The following DDTL variants were observed in gnomAD, a reference collection of about 807,000 sequenced individuals.
DDTL encodes putative D-dopachrome decarboxylase-like protein.
Under a neutral mutation model 1.1 loss-of-function variants are expected in DDTL, and 1 was observed. The observed-to-expected ratio is 0.91, with a 90% CI of 0.32 to 4.31. The LOEUF (loss-of-function observed/expected upper bound fraction) is 4.31. DDTL is among the 30% of genes most tolerant of loss of function. The probability of loss-of-function intolerance (pLI) is 0.17; values close to 1 mark genes in which losing one functional copy is unlikely to be tolerated. For synonymous variants in DDTL, 21 were observed against 16.6 expected (o/e 1.26, Z -0.64); for missense variants, 54 against 48.9 (o/e 1.10, Z -0.31).
intron 2 of DDTL, among the ~76,000 whole-genome samples, chr22:23,970,440 CTGTG>C (rs750119986): frequency 7.3e-5 from 11 of 151,556 alleles, no homozygotes; most frequent in Non-Finnish European, 1.6e-4. Flanking sequence ...AATTGTGTGC[CTGTG>C]TGTGACGGGG....
In DDTL at chr22:23,971,276, C is replaced by T. The variant is rs1392674161; in HGVS notation, c.285-10C>T. ...CCCAGATCTGAGCAGTCTAAATCAT[C>T]CCCCTCCAGGTTCCCTACGGTCTTA... is the stretch of plus-strand genomic sequence containing the variant. On this transcript the variant is annotated splice_polypyrimidine_tract_variant and intron_variant, in intron 2 of 2. Coordinates refer to ENST00000215770, the MANE Select transcript of DDTL (RefSeq NM_001084393.2). The T allele has an allele frequency of 2.5e-6, 4 of 1,608,084 alleles. No individual in the cohort carries two copies. In the Admixed American group the frequency reaches 5.1e-5, roughly 20 times the overall value.
chr22:23,970,457 TA>T (rs1471927585), intron 2 of DDTL, among the ~76,000 whole-genome samples: 1 of 151,192 alleles, frequency 6.6e-6, no homozygotes, highest in Non-Finnish European at 1.5e-5. Context: ...TGACGGGGAG[TA>T]TGTGTGTGTG....
At position 23,972,066 on chromosome 22, in the gene DDTL, A is replaced by G; in HGVS notation, c.*660A>G. ...AGTGAACATGCCCCTCTCAGAGGTA[A>G]CAGCAAGTTTCCAGTGAGGAAAACC... On this transcript the variant is annotated 3_prime_UTR_variant, in exon 3 of 3. Coordinates refer to ENST00000215770, the MANE Select transcript of DDTL (RefSeq NM_001084393.2). The G allele has an allele frequency of 1.6e-6, 1 of 621,590 alleles. No individual in the cohort carries two copies. The highest frequency in any genetic ancestry group is 8.0e-4 in the Middle Eastern group (1 of 1,248). 38.5% of individuals were successfully genotyped at this position (621,590 alleles called of 1,614,324 possible).
chr22:23,969,443 A>T, intron 2 of DDTL: 3 of 986,522 alleles, frequency 3.0e-6, no homozygotes, highest in Non-Finnish European at 3.6e-6. Context: ...TGTGCAGCAC[A>T]CACGATGAGG....
At chr22:23,969,702 C>G in intron 2 of DDTL, 4 of 977,714 alleles carry the variant, frequency 4.1e-6, no homozygotes, top group Non-Finnish European at 4.9e-6. Flanking sequence ...GCCTGTGATC[C>G]AAACTACATG....
At chr22:23,969,879 T>C in intron 2 of DDTL, 1 of 985,602 alleles carries the variant, frequency 1.0e-6, no homozygotes, top group African/African-American at 1.7e-5. Context: ...AAGAATAAAG[T>C]TAAACAGTCA....
At chr22:23,969,456 A>G in intron 2 of DDTL, 5 of 986,244 alleles carry the variant, frequency 5.1e-6, no homozygotes, top group Non-Finnish European at 6.0e-6. Flanking sequence ...CGATGAGGCT[A>G]CTGTGTTGAG....
intron 2 of DDTL, chr22:23,969,515 T>C: frequency 1.0e-6 from 1 of 985,914 alleles, no homozygotes; most frequent in Non-Finnish European, 1.2e-6. Context: ...ATTCCACACC[T>C]GAGTGTCCCA....
In DDTL at chr22:23,969,690, G is replaced by A. The variant is rs149034214; in HGVS notation, c.285-1596G>A. The A allele has an allele frequency of 9.9e-5, 97 of 978,666 alleles. No individual in the cohort carries two copies. The African/African-American group carries it at 1.5e-3, about 15-fold the overall frequency. 60.6% of individuals were successfully genotyped at this position (978,666 alleles called of 1,614,324 possible). On this transcript the variant is annotated intron_variant, in intron 2 of 2. Coordinates refer to ENST00000215770, the MANE Select transcript of DDTL (RefSeq NM_001084393.2). ...TACAATTAGCCCAGCATGGTGGCAT[G>A]AGCCTGTGATCCAAACTACATGGGA...
chr22:23,969,744 AG>A, intron 2 of DDTL: 1 of 984,562 alleles, frequency 1.0e-6, no homozygotes, highest in South Asian at 4.7e-5. Context: ...GTTTAGGCCC[AG>A]GAGGTCGAGG....
intron 2 of DDTL, chr22:23,969,965 T>A: frequency 1.7e-6 from 1 of 597,086 alleles, no homozygotes; most frequent in Non-Finnish European, 2.1e-6. Context: ...GCATCATTGT[T>A]AAGCAGGGCC....
chr22:23,970,288 TTATG>T (rs984498380), intron 2 of DDTL, among the ~76,000 whole-genome samples: 3 of 150,402 alleles, frequency 2.0e-5, no homozygotes, highest in Non-Finnish European at 4.5e-5. Context: ...AATTGTGTGT[TTATG>T]TGTGGGTGTA....
At chr22:23,970,486 G>A (rs1012820978) in intron 2 of DDTL, among the ~76,000 whole-genome samples, 7 of 151,952 alleles carry the variant, frequency 4.6e-5, no homozygotes, top group Non-Finnish European at 1.0e-4. Context: ...ACTGTGTGAT[G>A]ACTATGAATG....
At chr22:23,970,165 G>A (rs965392024) in intron 2 of DDTL, among the ~76,000 whole-genome samples, 3 of 152,178 alleles carry the variant, frequency 2.0e-5, no homozygotes, top group African/African-American at 7.2e-5. Context: ...CAAAGGCGGA[G>A]GTGACACTGG....
chr22:23,971,351 T>C lies in DDTL; in HGVS notation c.350T>C (p.Ile117Thr), dbSNP rs767781615. 12 of 1,614,004 alleles carry C rather than the reference T, an allele frequency of 7.4e-6. No individual in the cohort carries two copies. Among genetic ancestry groups the C allele is most frequent in the South Asian group, 4.4e-5 (4 of 91,084 alleles). The change falls in exon 3 of 3, where the codon ATA becomes ACA. Residue 117 changes from isoleucine (I) to threonine (T), a missense_variant. Coordinates refer to ENST00000215770, the MANE Select transcript of DDTL (RefSeq NM_001084393.2). ...HGGPRCPGEI[I>T]EGKKSCLNEE... ...GGCCCCAGATGCCCAGGAGAGATAA[T>C]AGAAGGTAAGAAGTCATGTTTGAAT...
chr22:23,970,698 GATGT>G (rs577750560), intron 2 of DDTL, among the ~76,000 whole-genome samples: 95 of 152,140 alleles, frequency 6.2e-4, no homozygotes, highest in Non-Finnish European at 1.2e-3. Context: ...GATGCGGGTG[GATGT>G]GTGTATGTGC....
At chr22:23,971,191 C>T (rs2033893638) in intron 2 of DDTL, 95 bp from the exon 3 acceptor site, 1 of 1,512,000 alleles carries the variant, frequency 6.6e-7, no homozygotes, top group Non-Finnish European at 8.8e-7. Flanking sequence ...GCTGCTCACA[C>T]CTTCCCACAG....
chr22:23,969,511 C>G (rs1192832280), intron 2 of DDTL: 8 of 985,738 alleles, frequency 8.1e-6, no homozygotes, highest in Non-Finnish European at 8.4e-6. Flanking sequence ...CACCATTCCA[C>G]ACCTGAGTGT....
Position 23,971,511 on chromosome 22 carries a change from G to A in DDTL, c.*105G>A. ...CTGCCAAGAGATCTCTCTGGAAGAA[G>A]CAGCCAGTTCACAGATGCCCTGGAT... On this transcript the variant is annotated 3_prime_UTR_variant, in exon 3 of 3. Coordinates refer to ENST00000215770, the MANE Select transcript of DDTL (RefSeq NM_001084393.2). 3.1e-6 allele frequency: 5 copies of A among 1,611,754 alleles called. No individual in the cohort carries two copies. Among genetic ancestry groups the A allele is most frequent in the Non-Finnish European group, 4.2e-6 (5 of 1,178,456 alleles).
Sources: gnomAD v4.1 joint callset for allele counts (sites outside exome capture counted in the v4.1 genomes callset) on GRCh38, gnomAD v4.1.1 for gene constraint, MANE v1.5 for transcripts, NCBI Gene and HGNC (gene_info 2026-07-23, HGNC 2026-07-21) for gene names.